The following PTPRD variants were observed in gnomAD, a reference collection of about 807,000 sequenced individuals.
PTPRD encodes receptor-type tyrosine-protein phosphatase delta.
PTPRD carries 34 observed loss-of-function variants against 214.5 expected under a neutral mutation model. The ratio of observed to expected loss-of-function variants is 0.16; its 90% CI spans 0.12 to 0.21. The LOEUF (loss-of-function observed/expected upper bound fraction) is 0.21, where lower values mean the gene tolerates loss of function less well. PTPRD is among the 10% of genes least tolerant of loss of function. PTPRD has a pLI of 1.00. For synonymous variants in PTPRD, 1,128 were observed against 845.7 expected, an observed-to-expected ratio of 1.33 and a Z score of -5.79; for missense variants, 2,545 against 2,398.7, an observed-to-expected ratio of 1.06 and a Z score of -1.27.
intron 8 of PTPRD, among the ~76,000 whole-genome samples, chr9:9,475,522 T>C (rs1341540408): frequency 6.6e-6 from 1 of 152,198 alleles, no homozygotes; most frequent in Non-Finnish European, 1.5e-5. Context: ...TAGTTTCTTA[T>C]GTCACTGATC....
At chr9:8,391,789 G>A (rs2089665411) in intron 36 of PTPRD, among the ~76,000 whole-genome samples, 1 of 152,064 alleles carries the variant, frequency 6.6e-6, no homozygotes, top group Non-Finnish European at 1.5e-5. Flanking sequence ...CCTTATCAAG[G>A]AAAGCAAATG....
intron 8 of PTPRD, among the ~76,000 whole-genome samples, chr9:9,474,194 C>A (rs1360542831): frequency 6.6e-6 from 1 of 152,030 alleles, no homozygotes; most frequent in Non-Finnish European, 1.5e-5. Flanking sequence ...AGTTTTCCAG[C>A]ACCATTTATT....
At chr9:9,503,129 G>C (rs2096471240) in intron 8 of PTPRD, among the ~76,000 whole-genome samples, 1 of 151,642 alleles carries the variant, frequency 6.6e-6, no homozygotes, top group Non-Finnish European at 1.5e-5. Context: ...GAAGGGACTT[G>C]GTTGGTAGTT....
chr9:10,605,378 GATTT>G (rs2079027517), intron 2 of PTPRD, among the ~76,000 whole-genome samples: 1 of 151,714 alleles, frequency 6.6e-6, no homozygotes, highest in Admixed American at 6.6e-5. Context: ...GTGGTCTGGC[GATTT>G]ATTTGTGTTT....
At chr9:10,133,855 G>C (rs1397061630) in intron 3 of PTPRD, among the ~76,000 whole-genome samples, 1 of 152,050 alleles carries the variant, frequency 6.6e-6, no homozygotes, top group Admixed American at 6.6e-5. Context: ...CTTAGTGCTT[G>C]TTATGTGATT....
chr9:9,854,790 T>C (rs1468300707), intron 5 of PTPRD, among the ~76,000 whole-genome samples: 1 of 152,166 alleles, frequency 6.6e-6, no homozygotes, highest in African/African-American at 2.4e-5. Context: ...TCTGACCTTT[T>C]GCTAATTTTG....
chr9:8,822,925 T>C (rs2097100879), intron 11 of PTPRD, among the ~76,000 whole-genome samples: 5 of 152,134 alleles, frequency 3.3e-5, no homozygotes, highest in Admixed American at 3.3e-4. Context: ...CTAAGCCCAG[T>C]GTTCACACAG....
At position 9,806,160 on chromosome 9, in the gene PTPRD, T is replaced by C. The variant is rs183939950; in HGVS notation, c.-367-39309A>G. Among the ~76,000 whole-genome samples the C allele has an allele frequency of 5.0e-3, 764 of 152,208 alleles. 5 individuals carry two copies. The highest frequency in any genetic ancestry group is 8.1e-3 in the Non-Finnish European group (551 of 68,006). ...TGGTGTTAGAGTAGGTAGGCAGCCA[T>C]GAGCAAGGCAAGAGAGCTCCAATTC... On this transcript the variant is annotated intron_variant, in intron 5 of 45. Coordinates refer to ENST00000381196, the MANE Select transcript of PTPRD (RefSeq NM_002839.4).
In PTPRD at chr9:8,788,403, G is replaced by A. The variant is rs374990114; in HGVS notation, c.-103-54457C>T. On this transcript the variant is annotated intron_variant, in intron 11 of 45. Coordinates refer to ENST00000381196, the MANE Select transcript of PTPRD (RefSeq NM_002839.4). ...CCATTCTCCTGCCTCAGCCTCCCGA[G>A]TAGCTGGGATTACAGGCATGCACCA... 4.0e-5 allele frequency among the ~76,000 whole-genome samples: 6 copies of A among 151,714 alleles called. No homozygotes were observed. In the East Asian group the frequency reaches 7.8e-4, roughly 20 times the overall value.
chr9:10,565,850 C>T (rs911786386), intron 2 of PTPRD, among the ~76,000 whole-genome samples: 1 of 150,986 alleles, frequency 6.6e-6, no homozygotes, highest in Non-Finnish European at 1.5e-5. Context: ...ATGCACACAC[C>T]CACACACACA....
chr9:9,056,709 A>G (rs1457813594), intron 10 of PTPRD, among the ~76,000 whole-genome samples: 13 of 152,180 alleles, frequency 8.5e-5, no homozygotes, highest in Admixed American at 8.5e-4. Flanking sequence ...CAACGACACT[A>G]ATCTTCTCTA....
intron 11 of PTPRD, among the ~76,000 whole-genome samples, chr9:9,007,440 T>G (rs561846233): frequency 1.1e-4 from 17 of 149,548 alleles, no homozygotes; most frequent in African/African-American, 4.1e-4. Context: ...AACTATACCT[T>G]CAATACAAGT....
intron 2 of PTPRD, among the ~76,000 whole-genome samples, chr9:10,569,529 C>G (rs1008352483): frequency 6.6e-6 from 1 of 151,500 alleles, no homozygotes; most frequent in African/African-American, 2.4e-5. Flanking sequence ...CTCTCTCTCT[C>G]TCTGTGTGTA....
chr9:9,807,507 C>T (rs1173952230), intron 5 of PTPRD, among the ~76,000 whole-genome samples: 1 of 152,144 alleles, frequency 6.6e-6, no homozygotes, highest in Non-Finnish European at 1.5e-5. Flanking sequence ...ATTCCCTCTG[C>T]TCTGACTTCT....
At chr9:8,943,564 AATTTTATTT>A (rs1021522451) in intron 11 of PTPRD, among the ~76,000 whole-genome samples, 8 of 149,036 alleles carry the variant, frequency 5.4e-5, no homozygotes, top group African/African-American at 1.2e-4. Flanking sequence ...TATTTTTAAT[AATTTTATTT>A]ATTTTATTTA....
At position 10,490,565 on chromosome 9, in the gene PTPRD, CTTAAGT is replaced by C. The variant is rs988879403; in HGVS notation, c.-600+121827_-600+121832del. On this transcript the variant is annotated intron_variant, in intron 2 of 45. Transcript: ENST00000381196. ...TCAGCCTAAAGCATTTTTGACATTT[CTTAAGT>C]TTATTTGTCATTAGTTTGGCTTGAA... Among the ~76,000 whole-genome samples the C allele has an allele frequency of 2.5e-3, 373 of 152,162 alleles. 2 individuals carry two copies. Among genetic ancestry groups the C allele is most frequent in the African/African-American group, 8.5e-3 (352 of 41,548 alleles).
chr9:10,443,241 A>T lies in PTPRD; in HGVS notation c.-599-102224T>A, dbSNP rs577085480. 4.9e-4 allele frequency among the ~76,000 whole-genome samples: 74 copies of T among 151,774 alleles called. 1 individual carries two copies. The highest frequency in any genetic ancestry group is 2.9e-3 in the South Asian group (14 of 4,824). ...TAGAATCCGGTCACATATACCAAAA[A>T]ATTAATGAAACCTGCAGCATAATTT... On this transcript the variant is annotated intron_variant, in intron 2 of 45. Coordinates refer to ENST00000381196, the MANE Select transcript of PTPRD (RefSeq NM_002839.4).
chr9:9,948,825 G>C (rs981904299), intron 4 of PTPRD, among the ~76,000 whole-genome samples: 2 of 152,020 alleles, frequency 1.3e-5, no homozygotes, highest in African/African-American at 4.8e-5. Context: ...GGGCAAAAAA[G>C]ATTGAGTAGA....
chr9:10,583,781 G>T (rs539333657), intron 2 of PTPRD, among the ~76,000 whole-genome samples: 3 of 152,244 alleles, frequency 2.0e-5, no homozygotes, highest in African/African-American at 7.2e-5. Flanking sequence ...CCCGGCCACA[G>T]GTGTTCTATA....
Sources: gnomAD v4.1 joint callset for allele counts (sites outside exome capture counted in the v4.1 genomes callset) on GRCh38, gnomAD v4.1.1 for gene constraint, MANE v1.5 for transcripts, NCBI Gene and HGNC (gene_info 2026-07-23, HGNC 2026-07-21) for gene names.